PTPRD: variants seen among roughly 807,000 people sequenced by gnomAD.
The protein encoded by PTPRD is protein tyrosine phosphatase receptor type D.
A neutral mutation model predicts 214.5 loss-of-function variants in PTPRD; 34 were observed. The ratio of observed to expected loss-of-function variants is 0.16; its 90% CI spans 0.12 to 0.21. The LOEUF is 0.21. Ranked by LOEUF, PTPRD falls within the 10% of genes least tolerant of loss-of-function variation. PTPRD has a pLI of 1.00. For missense variants in PTPRD, 2,545 were observed against 2,398.7 expected (o/e 1.06, Z -1.27); for synonymous variants, 1,128 against 845.7 (o/e 1.33, Z -5.79).
At chr9:9,195,026 G>C (rs970947404) in intron 9 of PTPRD, among the ~76,000 whole-genome samples, 1 of 149,940 alleles carries the variant, frequency 6.7e-6, no homozygotes, top group African/African-American at 2.4e-5. Context: ...GTATATATGT[G>C]TGTGTGTGTA....
intron 9 of PTPRD, among the ~76,000 whole-genome samples, chr9:9,358,858 G>T (rs953365829): frequency 6.6e-6 from 1 of 151,316 alleles, no homozygotes; most frequent in Non-Finnish European, 1.5e-5. Flanking sequence ...CTCAAGGCGA[G>T]ACGAACCAAC....
chr9:10,151,737 A>G (rs2099062609), intron 3 of PTPRD, among the ~76,000 whole-genome samples: 1 of 152,112 alleles, frequency 6.6e-6, no homozygotes, highest in East Asian at 1.9e-4. Flanking sequence ...TTGTCTCTGC[A>G]GCTATTTGTT....
chr9:8,456,503 A>G (rs1050137094), intron 33 of PTPRD, among the ~76,000 whole-genome samples: 3 of 152,204 alleles, frequency 2.0e-5, no homozygotes, highest in African/African-American at 7.2e-5. Flanking sequence ...CTCAGAAGCC[A>G]GAAAGCAGAG....
chr9:8,650,642 A>G (rs191417424), intron 12 of PTPRD, among the ~76,000 whole-genome samples: 125 of 152,146 alleles, frequency 8.2e-4, no homozygotes, highest in African/African-American at 3.0e-3. Flanking sequence ...CAAATGAAAC[A>G]GTGACTTAAA....
At chr9:8,620,847 C>T (rs552035446) in intron 14 of PTPRD, among the ~76,000 whole-genome samples, 3 of 152,044 alleles carry the variant, frequency 2.0e-5, no homozygotes, top group East Asian at 1.9e-4. Flanking sequence ...CACCCCTCTA[C>T]GTGAGACTCA....
At chr9:10,446,043 T>G (rs780035001) in intron 2 of PTPRD, among the ~76,000 whole-genome samples, 4 of 151,874 alleles carry the variant, frequency 2.6e-5, no homozygotes, top group Non-Finnish European at 5.9e-5. Flanking sequence ...TAACACAGGA[T>G]CCAGTATCAT....
intron 2 of PTPRD, among the ~76,000 whole-genome samples, chr9:10,385,749 G>C (rs894236616): frequency 1.3e-5 from 2 of 151,686 alleles, no homozygotes; most frequent in African/African-American, 4.8e-5. Flanking sequence ...TTCCAGCTTA[G>C]TGCCTGACAC....
chr9:8,854,123 T>C (rs1566631496), intron 11 of PTPRD, among the ~76,000 whole-genome samples: 1 of 152,106 alleles, frequency 6.6e-6, no homozygotes, highest in African/African-American at 2.4e-5. Context: ...ACATAAAACG[T>C]AAAGTTTATT....
intron 2 of PTPRD, among the ~76,000 whole-genome samples, chr9:10,417,096 T>A (rs1294628110): frequency 6.6e-6 from 1 of 151,840 alleles, no homozygotes; most frequent in African/African-American, 2.4e-5. Context: ...GTTGCAGATG[T>A]TTTTGCTCTC....
At position 8,636,702 on chromosome 9, in the gene PTPRD, A is replaced by C; in HGVS notation, c.207T>G (p.Phe69Leu). The C allele has an allele frequency of 6.2e-7, 1 of 1,614,022 alleles. No homozygotes were observed. Among genetic ancestry groups the C allele is most frequent in the Non-Finnish European group, 8.5e-7 (1 of 1,179,914 alleles). ...KKGKKVSNQR[F>L]EVIEFDDGSG... ...AACAGAACAATGGACCTAATACCTC[A>C]AATCTCTGATTGCTGACTTTCTTTC... Residue 69 changes from phenylalanine (F) to leucine (L), a missense_variant, in exon 13 of 46, where the codon TTT (phenylalanine) becomes TTG (leucine). Physicochemically the swap from Phe to Leu is conservative, Grantham distance 22 (BLOSUM62 0). Transcript: ENST00000381196.
intron 5 of PTPRD, among the ~76,000 whole-genome samples, chr9:9,843,865 G>C (rs1223580013): frequency 6.6e-6 from 1 of 152,016 alleles, no homozygotes; most frequent in African/African-American, 2.4e-5. Context: ...AATTTAGCTA[G>C]GATTTTAGCC....
chr9:10,401,212 T>C (rs1232732955), intron 2 of PTPRD, among the ~76,000 whole-genome samples: 1 of 151,712 alleles, frequency 6.6e-6, no homozygotes, highest in Non-Finnish European at 1.5e-5. Context: ...TAAAACATCT[T>C]ACTTTGCACT....
At position 8,743,222 on chromosome 9, in the gene PTPRD, G is replaced by C. The variant is rs920809590; in HGVS notation, c.-103-9276C>G. Reference sequence around the variant, plus strand: ...AACAGATTTGAATTTCTGGGCATGGGAATATGGATGACACCCAAATTTCCC... The same window carrying C: ...AACAGATTTGAATTTCTGGGCATGGCAATATGGATGACACCCAAATTTCCC... On this transcript the variant is annotated intron_variant, in intron 11 of 45. Coordinates refer to ENST00000381196, the MANE Select transcript of PTPRD (RefSeq NM_002839.4). 2.0e-5 allele frequency among the ~76,000 whole-genome samples: 3 copies of C among 152,130 alleles called. 1 individual carries two copies. The South Asian group carries it at 6.2e-4, about 31-fold the overall frequency.
intron 9 of PTPRD, among the ~76,000 whole-genome samples, chr9:9,314,915 T>A (rs1358758688): frequency 1.3e-5 from 2 of 152,020 alleles, no homozygotes; most frequent in Admixed American, 6.6e-5. Context: ...CAGATATCCA[T>A]CACATTTATT....
At chr9:9,306,030 T>TA (rs1957021064) in intron 9 of PTPRD, among the ~76,000 whole-genome samples, 1 of 152,124 alleles carries the variant, frequency 6.6e-6, no homozygotes, top group Non-Finnish European at 1.5e-5. Context: ...CATAAGACAC[T>TA]AAATACCAGT....
chr9:8,763,114 A>G (rs934407070), intron 11 of PTPRD, among the ~76,000 whole-genome samples: 3 of 152,108 alleles, frequency 2.0e-5, no homozygotes, highest in African/African-American at 7.2e-5. Flanking sequence ...ATGCTCTGCC[A>G]AAGATGGTTT....
chr9:9,794,222 T>G (rs2098987100), intron 5 of PTPRD, among the ~76,000 whole-genome samples: 1 of 150,632 alleles, frequency 6.6e-6, no homozygotes, highest in Non-Finnish European at 1.5e-5. Flanking sequence ...TATATACACG[T>G]ACATATACAT....
chr9:9,603,995 T>A (rs2093978580), intron 7 of PTPRD, among the ~76,000 whole-genome samples: 1 of 152,152 alleles, frequency 6.6e-6, no homozygotes, highest in South Asian at 2.1e-4. Context: ...AAATTTTTTT[T>A]AAATTTTATT....
At chr9:8,372,441 C>T (rs1252675859) in intron 39 of PTPRD, among the ~76,000 whole-genome samples, 1 of 151,966 alleles carries the variant, frequency 6.6e-6, no homozygotes, top group Non-Finnish European at 1.5e-5. Flanking sequence ...ATAAAATTCT[C>T]ATTGCTATAG....
Sources: allele counts gnomAD v4.1 joint callset (sites outside exome capture counted in the v4.1 genomes callset), GRCh38; gene constraint gnomAD v4.1.1; transcripts MANE v1.5; gene names NCBI Gene and HGNC (gene_info 2026-07-23, HGNC 2026-07-21).